The following CADM2 variants were observed in gnomAD, a reference collection of about 807,000 sequenced individuals.
CADM2 encodes immunoglobulin superfamily member 4D.
CADM2 carries 12 observed loss-of-function variants against 49.8 expected under a neutral mutation model. The ratio of observed to expected loss-of-function variants is 0.24; its 90% CI spans 0.15 to 0.39. The LOEUF is 0.39. Among genes scored for constraint, CADM2 ranks in the 10% least tolerant of loss-of-function variants. The pLI is 1.00. For missense variants in CADM2, 378 were observed against 492.3 expected, an observed-to-expected ratio of 0.77 and a Z score of 2.20; for synonymous variants, 214 against 175.4, an observed-to-expected ratio of 1.22 and a Z score of -1.74.
In CADM2 at chr3:85,409,289, G is replaced by C. The variant is rs377752692; in HGVS notation, c.62-317233G>C. Among the ~76,000 whole-genome samples the C allele has an allele frequency of 3.8e-4, 58 of 152,064 alleles. No homozygotes were observed. The South Asian group carries it at 3.9e-3, about 10-fold the overall frequency. On this transcript the variant is annotated intron_variant, in intron 1 of 9. Transcript: ENST00000383699. ...TTTGTGTATACACTAAATCCCAAATGCTCTTTATCATCTTCCAAAAGAAGA... is the reference window on the plus strand; with the variant it reads ...TTTGTGTATACACTAAATCCCAAATCCTCTTTATCATCTTCCAAAAGAAGA...
At chr3:85,051,156 C>T (rs1471142224) in intron 1 of CADM2, among the ~76,000 whole-genome samples, 1 of 152,102 alleles carries the variant, frequency 6.6e-6, no homozygotes, top group Non-Finnish European at 1.5e-5. Context: ...TTGTAGAAGT[C>T]CTTCTAGGTA....
chr3:86,048,319 T>C (rs977282303), intron 8 of CADM2, among the ~76,000 whole-genome samples: 2 of 152,012 alleles, frequency 1.3e-5, no homozygotes, highest in Non-Finnish European at 2.9e-5. Context: ...TTTTCTGATA[T>C]ATTTTTGATG....
chr3:85,302,351 T>G (rs1336388184), intron 1 of CADM2, among the ~76,000 whole-genome samples: 1 of 152,074 alleles, frequency 6.6e-6, no homozygotes, highest in Non-Finnish European at 1.5e-5. Flanking sequence ...TTTCTGTTTG[T>G]AACTTTTGGA....
At chr3:85,815,887 C>T (rs1166722770) in intron 3 of CADM2, among the ~76,000 whole-genome samples, 1 of 152,106 alleles carries the variant, frequency 6.6e-6, no homozygotes, top group Non-Finnish European at 1.5e-5. Flanking sequence ...TGATAAGCAA[C>T]TTTAGCAAAG....
intron 8 of CADM2, among the ~76,000 whole-genome samples, chr3:85,965,861 G>A (rs1048738240): frequency 1.3e-5 from 2 of 151,580 alleles, no homozygotes; most frequent in African/African-American, 2.4e-5. Context: ...GTGATTGGAA[G>A]CAATGCATAC....
chr3:85,533,530 A>G (rs17516346), intron 1 of CADM2, among the ~76,000 whole-genome samples: 77,953 of 152,076 alleles, frequency 0.51, 23,067 homozygotes, highest in East Asian at 0.85. Flanking sequence ...GGCTTACACA[A>G]ACTTTATTCA....
intron 1 of CADM2, among the ~76,000 whole-genome samples, chr3:85,339,171 A>G (rs925424600): frequency 6.6e-6 from 1 of 151,518 alleles, no homozygotes; most frequent in South Asian, 2.1e-4. Context: ...ATAGGTGAAA[A>G]GTATTTTTCA....
chr3:85,802,851 G>T (rs2072137971), intron 3 of CADM2, among the ~76,000 whole-genome samples: 1 of 151,968 alleles, frequency 6.6e-6, no homozygotes, highest in Non-Finnish European at 1.5e-5. Flanking sequence ...AAATGTCTAA[G>T]CTTTCATCCA....
At chr3:85,724,305 A>T (rs1360187181) in intron 1 of CADM2, among the ~76,000 whole-genome samples, 1 of 151,892 alleles carries the variant, frequency 6.6e-6, no homozygotes, top group Non-Finnish European at 1.5e-5. Flanking sequence ...CTCTCCAAAT[A>T]TTTCCAACTC....
rs536249174 is a variant in CADM2 at position 85,639,358 on chromosome 3, A to C, written c.62-87164A>C. Among the ~76,000 whole-genome samples the C allele has an allele frequency of 2.6e-5, 4 of 152,284 alleles. No homozygotes were observed. The South Asian group carries it at 6.2e-4, about 24-fold the overall frequency. ...ATCACTAAACATTGCATCGCACACT[A>C]TGCTCCCGTGTTTACTGTAACATCT... On this transcript the variant is annotated intron_variant, in intron 1 of 9. Transcript: ENST00000383699.
intron 2 of CADM2, among the ~76,000 whole-genome samples, chr3:85,749,037 T>A (rs536946388): frequency 2.6e-5 from 4 of 152,160 alleles, no homozygotes; most frequent in Admixed American, 2.0e-4. Flanking sequence ...ATGATTCATA[T>A]CTAATGCAGA....
At chr3:85,575,550 C>A (rs2062607921) in intron 1 of CADM2, among the ~76,000 whole-genome samples, 1 of 151,796 alleles carries the variant, frequency 6.6e-6, no homozygotes, top group Non-Finnish European at 1.5e-5. Context: ...GACTCCGTCT[C>A]AAAAACAAAA....
chr3:86,024,279 G>A (rs1260841729), intron 8 of CADM2, among the ~76,000 whole-genome samples: 4 of 152,252 alleles, frequency 2.6e-5, no homozygotes, highest in Middle Eastern at 3.4e-3. Context: ...GACAGATCAG[G>A]TATCTAATTT....
At position 85,567,590 on chromosome 3, in the gene CADM2, T is replaced by C. The variant is rs115184282; in HGVS notation, c.62-158932T>C. 2.2e-3 allele frequency among the ~76,000 whole-genome samples: 339 copies of C among 152,292 alleles called. 2 individuals carry two copies. Among genetic ancestry groups the C allele is most frequent in the African/African-American group, 7.4e-3 (306 of 41,572 alleles). ...ATTGTGCAGATTTTTTTTTAGTATGTATTGTTTTGAATGGTATATTAGAGC... is the reference window on the plus strand; with the variant it reads ...ATTGTGCAGATTTTTTTTTAGTATGCATTGTTTTGAATGGTATATTAGAGC... On this transcript the variant is annotated intron_variant, in intron 1 of 9. Transcript: ENST00000383699.
intron 1 of CADM2, among the ~76,000 whole-genome samples, chr3:85,514,569 A>G (rs1261904644): frequency 1.3e-5 from 2 of 152,246 alleles, no homozygotes; most frequent in East Asian, 1.9e-4. Flanking sequence ...TTGATGTCCT[A>G]TAATGGGATA....
At chr3:85,894,817 AG>A (rs1373978083) in intron 5 of CADM2, among the ~76,000 whole-genome samples, 5 of 152,206 alleles carry the variant, frequency 3.3e-5, no homozygotes, top group Non-Finnish European at 7.3e-5. Context: ...CCCAAGCCTT[AG>A]TGGCTTACAT....
intron 8 of CADM2, among the ~76,000 whole-genome samples, chr3:85,977,737 T>C (rs150487792): frequency 1.6e-3 from 243 of 151,694 alleles, no homozygotes; most frequent in African/African-American, 5.8e-3. Context: ...ACTCCAGGCT[T>C]TACCCATTTT....
intron 1 of CADM2, among the ~76,000 whole-genome samples, chr3:85,528,113 C>T (rs546718999): frequency 3.1e-4 from 47 of 152,090 alleles, no homozygotes; most frequent in Non-Finnish European, 6.2e-4. Flanking sequence ...ATACATTTTC[C>T]CACTAACCAA....
Position 85,526,331 on chromosome 3 carries a change from G to A in CADM2, c.62-200191G>A, listed in dbSNP as rs555123980. ...AAATAAGAGGAGAGTAGTTCTTTAT[G>A]TAGTGATTTTTTGCAAGTGTTCTAA... On this transcript the variant is annotated intron_variant, in intron 1 of 9. Coordinates refer to ENST00000383699, the MANE Select transcript of CADM2 (RefSeq NM_001167675.2). Among the ~76,000 whole-genome samples, 56 of 152,022 alleles carry A rather than the reference G, an allele frequency of 3.7e-4. No individual in the cohort carries two copies. In the South Asian group the frequency reaches 6.2e-3, roughly 17 times the overall value.
Sources: gnomAD v4.1 joint callset for allele counts (sites outside exome capture counted in the v4.1 genomes callset) on GRCh38, gnomAD v4.1.1 for gene constraint, MANE v1.5 for transcripts, NCBI Gene and HGNC (gene_info 2026-07-23, HGNC 2026-07-21) for gene names.